The following FDFT1 variants were observed in gnomAD, a reference collection of about 807,000 sequenced individuals.
FDFT1 encodes squalene synthase.
A neutral mutation model predicts 46.8 loss-of-function variants in FDFT1; 68 were observed. The ratio of observed to expected loss-of-function variants is 1.45; its 90% CI spans 1.19 to 1.78. FDFT1 has a LOEUF of 1.78. FDFT1 is among the 40% of genes most tolerant of loss of function. FDFT1 has a pLI of 0.00. For synonymous variants in FDFT1, 351 were observed against 185.1 expected (o/e 1.90, Z -7.28); for missense variants, 928 against 524.4 (o/e 1.77, Z -7.52).
chr8:11,819,059 A>G (rs1434233589), intron 3 of FDFT1, among the ~76,000 whole-genome samples: 1 of 152,074 alleles, frequency 6.6e-6, no homozygotes, highest in African/African-American at 2.4e-5. Context: ...TGGTGACAAA[A>G]TCTCTGAGCA....
chr8:11,798,567 A>G (rs1175201413), upstream of FDFT1, among the ~76,000 whole-genome samples: 1 of 152,270 alleles, frequency 6.6e-6, no homozygotes, highest in East Asian at 1.9e-4. Context: ...AAAGGGCGTT[A>G]TCAATGACAC....
In FDFT1 at chr8:11,808,823, C is replaced by T. The variant is rs765417792; in HGVS notation, c.129C>T (p.Cys43=). The change falls in exon 2 of 8, where the codon TGC becomes TGT. Residue 43 remains cysteine (C), a synonymous_variant. Coordinates refer to ENST00000220584, the MANE Select transcript of FDFT1 (RefSeq NM_004462.5). ...CGCTCAGCAGCAGCCTGAAAACTTG[C>T]TACAAGTATCTCAATCAGACCAGTC... ...QDSLSSSLKT[C]YKYLNQTSRS... The T allele has an allele frequency of 3.1e-6, 5 of 1,614,006 alleles. No homozygotes were observed. Among genetic ancestry groups the T allele is most frequent in the Non-Finnish European group, 4.2e-6 (5 of 1,180,002 alleles).
intron 3 of FDFT1, among the ~76,000 whole-genome samples, chr8:11,811,714 G>C (rs1192970978): frequency 6.6e-6 from 1 of 152,228 alleles, no homozygotes. Flanking sequence ...AAGCACAGTT[G>C]CCCCGGGAAG....
intron 3 of FDFT1, among the ~76,000 whole-genome samples, chr8:11,812,286 C>A (rs1041738789): frequency 6.6e-6 from 1 of 152,222 alleles, no homozygotes; most frequent in East Asian, 1.9e-4. Context: ...CAGTCTATTT[C>A]CTAAGGTCAG....
rs181746559 is a variant in FDFT1, at chr8:11,838,498, C to G, written c.1143C>G (p.His381Gln). The G allele has an allele frequency of 1.2e-5, 19 of 1,607,372 alleles. No homozygotes were observed. The East Asian group carries it at 4.0e-4, about 34-fold the overall frequency. Residue 381 changes from histidine (H) to glutamine (Q), a missense_variant, in exon 8 of 8, where the codon CAC becomes CAG. By Grantham distance (24) the His-to-Gln change is conservative. Coordinates refer to ENST00000220584, the MANE Select transcript of FDFT1 (RefSeq NM_004462.5). ...LPNCQLISRS[H>Q]YSPIYLSFVM... ...ACTGTCAGCTGATTTCCCGAAGCCA[C>G]TACTCCCCCATCTACCTGTCGTTTG...
intron 5 of FDFT1, among the ~76,000 whole-genome samples, chr8:11,827,318 G>A (rs541561588): frequency 6.6e-6 from 1 of 151,906 alleles, no homozygotes; most frequent in African/African-American, 2.4e-5. Flanking sequence ...TGCTGAAAGA[G>A]CAAAAATAAA....
intron 5 of FDFT1, among the ~76,000 whole-genome samples, chr8:11,829,346 C>T (rs183765373): frequency 6.6e-6 from 1 of 152,294 alleles, no homozygotes; most frequent in East Asian, 1.9e-4. Flanking sequence ...TAAATAATAT[C>T]ATTAAAAATC....
chr8:11,831,533 A>T lies in FDFT1; in HGVS notation c.895A>T (p.Thr299Ser). The change falls in exon 7 of 8, where the codon ACT (threonine) becomes TCT (serine). Residue 299 changes from threonine (T) to serine (S), a missense_variant. Physicochemically the swap from Thr to Ser is moderately conservative, Grantham distance 58. Transcript: ENST00000220584. ...CAIPQVMAIA[T>S]LAACYNNQQV... is the part of the protein sequence containing the mutation. ...TTGTCTCTAGGTGATGGCCATTGCC[A>T]CTTTGGCTGCCTGTTATAATAACCA... The T allele has an allele frequency of 6.2e-7, 1 of 1,614,002 alleles. No individual in the cohort carries two copies. The highest frequency in any genetic ancestry group is 8.5e-7 in the Non-Finnish European group (1 of 1,179,944).
chr8:11,812,528 G>C (rs915852826), intron 3 of FDFT1, among the ~76,000 whole-genome samples: 2 of 152,150 alleles, frequency 1.3e-5, no homozygotes, highest in Admixed American at 6.5e-5. Flanking sequence ...GCTGCATTCT[G>C]GAATAAAACT....
At chr8:11,798,164 A>G (rs1411946493), upstream of FDFT1, 1 of 151,866 alleles carries the variant, frequency 6.6e-6, no homozygotes, top group Non-Finnish European at 1.5e-5. Context: ...GGTTCAAGCG[A>G]TTCTCCAGCC....
intron 7 of FDFT1, among the ~76,000 whole-genome samples, chr8:11,838,110 C>T (rs7832214): frequency 0.013 from 1,975 of 152,276 alleles, 48 homozygotes; most frequent in African/African-American, 0.045. Context: ...ATGTGAAGAT[C>T]ATTGTGGCTC....
intron 5 of FDFT1, among the ~76,000 whole-genome samples, chr8:11,828,047 C>T (rs1810248444): frequency 6.6e-6 from 1 of 151,978 alleles, no homozygotes; most frequent in Non-Finnish European, 1.5e-5. Flanking sequence ...ACTAAAATTA[C>T]AAAAATTAGC....
chr8:11,838,334 C>T (rs1329205280), intron 7 of FDFT1, 54 bp from the exon 8 acceptor site: 14 of 1,374,972 alleles, frequency 1.0e-5, no homozygotes, highest in South Asian at 5.9e-5. Context: ...TGTAAGTAGC[C>T]ATGGAAAATG....
intron 3 of FDFT1, among the ~76,000 whole-genome samples, chr8:11,817,164 G>C (rs1808573396): frequency 6.6e-6 from 1 of 152,320 alleles, no homozygotes; most frequent in Non-Finnish European, 1.5e-5. Flanking sequence ...TTATGTGATG[G>C]ATGATGTTTA....
At chr8:11,803,895 C>A (rs924956380) in intron 1 of FDFT1, 20 of 152,686 alleles carry the variant, frequency 1.3e-4, no homozygotes, top group African/African-American at 3.6e-4. Context: ...GTACATCCTT[C>A]AGTCTATTTG....
upstream of FDFT1, chr8:11,801,770 T>G (rs1013171022): frequency 2.8e-6 from 1 of 361,698 alleles, no homozygotes; most frequent in African/African-American, 2.2e-5. Flanking sequence ...CTTGGCTCAC[T>G]GCAAACTCCG....
intron 3 of FDFT1, among the ~76,000 whole-genome samples, chr8:11,813,929 A>C (rs1808084540): frequency 6.6e-6 from 1 of 152,168 alleles, no homozygotes; most frequent in Non-Finnish European, 1.5e-5. Flanking sequence ...TCTGGGGAAA[A>C]CGTGGACCCC....
chr8:11,837,041 C>G (rs569115753), intron 7 of FDFT1, among the ~76,000 whole-genome samples: 1 of 152,224 alleles, frequency 6.6e-6, no homozygotes, highest in Non-Finnish European at 1.5e-5. Flanking sequence ...AGGGTGGCTC[C>G]TGGCTGAACC....
intron 5 of FDFT1, among the ~76,000 whole-genome samples, chr8:11,828,121 A>C (rs1266656315): frequency 6.7e-6 from 1 of 148,844 alleles, no homozygotes; most frequent in Non-Finnish European, 1.5e-5. Context: ...ACTCCATTTA[A>C]AAAAAAAAAA....
Sources: gnomAD v4.1 joint callset for allele counts (sites outside exome capture counted in the v4.1 genomes callset) on GRCh38, gnomAD v4.1.1 for gene constraint, MANE v1.5 for transcripts, NCBI Gene and HGNC (gene_info 2026-07-23, HGNC 2026-07-21) for gene names.